Variants in ASPA observed in about 807,000 individuals in gnomAD.
ASPA encodes aspartoacylase, also known as ACY-2.
In ASPA, 25 loss-of-function variants were observed where a neutral mutation model predicts 29.6. The observed-to-expected ratio is 0.85, with a 90% confidence interval of 0.62 to 1.18. The LOEUF is 1.18. Ranked by LOEUF, ASPA falls within the 50% of genes most tolerant of loss-of-function variation. The pLI is 0.00. For synonymous variants in ASPA, 131 were observed against 130.3 expected (o/e 1.01, Z -0.04); for missense variants, 333 against 385.7 (o/e 0.86, Z 1.14).
In ASPA at chr17:3,481,790, T is replaced by A; in HGVS notation, c.424T>A (p.Tyr142Asn). 1 of 1,601,070 alleles carries A rather than the reference T, an allele frequency of 6.2e-7. No individual in the cohort carries two copies. The highest frequency in any genetic ancestry group is 8.5e-7 in the Non-Finnish European group (1 of 1,170,866). ...RNNFLIQMFH[Y>N]IKTSLAPLPC... ...TAACTTTTTAATTCAGATGTTTCATTACATTAAGGTAATGTTAATGTTATT... is the reference window on the plus strand; with the variant it reads ...TAACTTTTTAATTCAGATGTTTCATAACATTAAGGTAATGTTAATGTTATT... Residue 142 changes from tyrosine (Y) to asparagine (N), a missense_variant, in exon 2 of 6, where the codon TAC becomes AAC. Tyr to Asn is a moderately radical substitution (Grantham distance 143). Transcript: ENST00000263080.
chr17:3,474,556 GGACA>G (rs1317519139), upstream of ASPA, among the ~76,000 whole-genome samples: 6 of 152,240 alleles, frequency 3.9e-5, no homozygotes, highest in East Asian at 1.9e-4. Flanking sequence ...ACATGGATGT[GGACA>G]GACAGTCAAA....
rs1417476281 is a variant in ASPA, at chr17:3,499,758, T to C, written c.*670T>C. Reference sequence around the variant, plus strand: ...GGCCATTTCCTTGTCTCTCTCCCTGTCCTCTGGCCTCCCTGTTCCTTGAGA... The same window carrying C: ...GGCCATTTCCTTGTCTCTCTCCCTGCCCTCTGGCCTCCCTGTTCCTTGAGA... On this transcript the variant is annotated 3_prime_UTR_variant, in exon 6 of 6. Transcript: ENST00000263080. The C allele has an allele frequency of 6.6e-6, 1 of 152,258 alleles. No individual in the cohort carries two copies. Among genetic ancestry groups the C allele is most frequent in the African/African-American group, 2.4e-5 (1 of 41,452 alleles). 9.4% of individuals were successfully genotyped at this position (152,258 alleles called of 1,614,324 possible).
At position 3,485,654 on chromosome 17, in the gene ASPA, T is replaced by C. The variant is rs769860635; in HGVS notation, c.526+2062T>C. ...CAAAGTGCTTGTGCTACCAGTGACC[T>C]ACTCCAGGTTGTTTTCTGACCCTCT... On this transcript the variant is annotated intron_variant, in intron 3 of 5. Coordinates refer to ENST00000263080, the MANE Select transcript of ASPA (RefSeq NM_000049.4). The surrounding 1 kb of genome is among the most constrained non-coding windows in gnomAD (Gnocchi z 4.4). Among the ~76,000 whole-genome samples the C allele has an allele frequency of 2.0e-5, 3 of 152,238 alleles. No individual in the cohort carries two copies. The highest frequency in any genetic ancestry group is 2.9e-5 in the Non-Finnish European group (2 of 68,044).
In ASPA at chr17:3,488,825, C is replaced by T. The variant is rs1413259313; in HGVS notation, c.527-410C>T. Reference sequence around the variant, plus strand: ...ATCTATAAAAATAGATGTCCTTCCTCCCGTCACAGCTAAATGTTAGATCTT... The same window carrying T: ...ATCTATAAAAATAGATGTCCTTCCTTCCGTCACAGCTAAATGTTAGATCTT... On this transcript the variant is annotated intron_variant, in intron 3 of 5. Transcript: ENST00000263080. This position sits in a 1 kb window ranked among gnomAD's most constrained non-coding sequence, Gnocchi z 6.1. Among the ~76,000 whole-genome samples, 1 of 152,182 alleles carries T rather than the reference C, an allele frequency of 6.6e-6. No homozygotes were observed. The highest frequency in any genetic ancestry group is 1.5e-5 in the Non-Finnish European group (1 of 68,036).
At position 3,489,310 on chromosome 17, in the gene ASPA, A is replaced by T. The variant is rs761849556; in HGVS notation, c.602A>T (p.His201Leu). Residue 201 changes from histidine to leucine, a missense_variant, in exon 4 of 6, where the codon CAT becomes CTT. By Grantham distance (99) the His-to-Leu change is moderately conservative. Transcript: ENST00000263080. ...GATCAAATGAGAAAAATGATTAAAC[A>T]TGCTCTTGATTTTATACATCATTTC... ...ILDQMRKMIKHALDFIHHFNE... is the reference protein window; with the variant it reads ...ILDQMRKMIKLALDFIHHFNE... The T allele has an allele frequency of 1.2e-6, 2 of 1,613,254 alleles. No homozygotes were observed. The highest frequency in any genetic ancestry group is 1.3e-5 in the African/African-American group (1 of 75,030).
chr17:3,488,019 TA>T lies in ASPA; in HGVS notation c.527-1210del, dbSNP rs1041410246. ...ATGCAAGAAACCTAAGCACAACAAATAAAAAATGATGCAAGAGAATAAGATA... is the reference window on the plus strand; with the variant it reads ...ATGCAAGAAACCTAAGCACAACAAATAAAAATGATGCAAGAGAATAAGATA... On this transcript the variant is annotated intron_variant, in intron 3 of 5. Coordinates refer to ENST00000263080, the MANE Select transcript of ASPA (RefSeq NM_000049.4). The surrounding 1 kb of genome is among the most constrained non-coding windows in gnomAD (Gnocchi z 6.1). 4.6e-5 allele frequency among the ~76,000 whole-genome samples: 7 copies of T among 152,006 alleles called. No individual in the cohort carries two copies. Among genetic ancestry groups the T allele is most frequent in the Admixed American group, 6.5e-5 (1 of 15,274 alleles).
intron 1 of ASPA, among the ~76,000 whole-genome samples, chr17:3,480,934 A>G (rs2073616671): frequency 3.9e-5 from 6 of 152,202 alleles, no homozygotes. Context: ...AGCCTGGGCA[A>G]CAGAGCAAGA....
At chr17:3,495,096 A>G (rs2150759840) in intron 5 of ASPA, among the ~76,000 whole-genome samples, 1 of 152,292 alleles carries the variant, frequency 6.6e-6, no homozygotes, top group East Asian at 1.9e-4. Flanking sequence ...AAGAAGGAAA[A>G]AAAAAAGGCT....
At chr17:3,497,357 A>T (rs2073926672) in intron 5 of ASPA, among the ~76,000 whole-genome samples, 1 of 152,090 alleles carries the variant, frequency 6.6e-6, no homozygotes, top group Non-Finnish European at 1.5e-5. Context: ...TACAATAAAC[A>T]CAGAAAACAG....
At chr17:3,496,100 G>A (rs372295832) in intron 5 of ASPA, among the ~76,000 whole-genome samples, 12 of 152,278 alleles carry the variant, frequency 7.9e-5, no homozygotes, top group East Asian at 1.9e-4. Flanking sequence ...GGTAGGTCTC[G>A]AAAGTTAGGA....
intron 5 of ASPA, among the ~76,000 whole-genome samples, chr17:3,496,799 G>T (rs537805631): frequency 6.6e-6 from 1 of 152,222 alleles, no homozygotes; most frequent in Non-Finnish European, 1.5e-5. Context: ...AGGAGCGGTG[G>T]CTCACGCCTG....
In ASPA at chr17:3,498,135, A is replaced by G. The variant is rs549431337; in HGVS notation, c.745-756A>G. 7.2e-5 allele frequency among the ~76,000 whole-genome samples: 11 copies of G among 152,320 alleles called. No homozygotes were observed. In the East Asian group the frequency reaches 1.9e-3, roughly 27 times the overall value. On this transcript the variant is annotated intron_variant, in intron 5 of 5. Transcript: ENST00000263080. ...GAATAGAATCTCCTTGTATGCAGGT[A>G]CAACATGGCTCATTTTTATATTTCC... is the stretch of plus-strand genomic sequence containing the variant.
At chr17:3,484,635 T>G (rs2073688471) in intron 3 of ASPA, among the ~76,000 whole-genome samples, 1 of 152,238 alleles carries the variant, frequency 6.6e-6, no homozygotes, top group South Asian at 2.1e-4. Context: ...GAGCAATACT[T>G]TTGTAAAATG....
In ASPA at chr17:3,481,590, CT is replaced by C; in HGVS notation, c.237-12del. On this transcript the variant is annotated splice_polypyrimidine_tract_variant and intron_variant, in intron 1 of 5. Coordinates refer to ENST00000263080, the MANE Select transcript of ASPA (RefSeq NM_000049.4). Reference sequence around the variant, plus strand: ...ACAGATGTTGTTCATCTTTTTCTTTCTGCTTATAACAGCAAAAAAATGTCAG... The same window carrying C: ...ACAGATGTTGTTCATCTTTTTCTTTCGCTTATAACAGCAAAAAAATGTCAG... The C allele has an allele frequency of 6.2e-7, 1 of 1,609,624 alleles. No individual in the cohort carries two copies. The highest frequency in any genetic ancestry group is 2.2e-5 in the East Asian group (1 of 44,752).
chr17:3,497,827 A>G (rs1424601603), intron 5 of ASPA, among the ~76,000 whole-genome samples: 1 of 152,178 alleles, frequency 6.6e-6, no homozygotes, highest in East Asian at 1.9e-4. Context: ...AATGTTAGAC[A>G]TGCAGAATCC....
intron 4 of ASPA, among the ~76,000 whole-genome samples, chr17:3,492,551 T>C (rs541999515): frequency 6.6e-6 from 1 of 152,338 alleles, no homozygotes; most frequent in South Asian, 2.1e-4. Context: ...ACTTCTGGAA[T>C]AGCTGGCTTG....
rs2073952062 is a variant in ASPA at position 3,498,817 on chromosome 17, G to A, written c.745-74G>A. Reference sequence around the variant, plus strand: ...AACAGAATACTGTAATTTGTTAGTTGTCTAGAGTCTGACATAAATTTTTAG... The same window carrying A: ...AACAGAATACTGTAATTTGTTAGTTATCTAGAGTCTGACATAAATTTTTAG... On this transcript the variant is annotated intron_variant, in intron 5 of 5. Coordinates refer to ENST00000263080, the MANE Select transcript of ASPA (RefSeq NM_000049.4). The A allele has an allele frequency of 2.3e-6, 3 of 1,320,818 alleles. No individual in the cohort carries two copies. In the Admixed American group the frequency reaches 8.9e-5, roughly 39 times the overall value. The allele number at this position is 1,320,818 out of a possible 1,614,324, so 81.8% of individuals were successfully genotyped here.
Position 3,502,287 on chromosome 17 carries a change from T to A in ASPA, c.*3199T>A, listed in dbSNP as rs1240004717. 1 of 152,256 alleles carries A rather than the reference T, an allele frequency of 6.6e-6. No individual in the cohort carries two copies. 9.4% of individuals were successfully genotyped at this position (152,256 alleles called of 1,614,324 possible). A position where few individuals can be genotyped will look rare whatever the true frequency, so the allele number is the denominator to read the frequency against. On this transcript the variant is annotated 3_prime_UTR_variant, in exon 6 of 6. Transcript: ENST00000263080. ...TATTACACATTTAACATACTACATATAGTGTGAGCATAACTTTTACACGTA... is the reference window on the plus strand; with the variant it reads ...TATTACACATTTAACATACTACATAAAGTGTGAGCATAACTTTTACACGTA...
At chr17:3,494,822 T>A (rs180873678) in intron 5 of ASPA, among the ~76,000 whole-genome samples, 12 of 152,250 alleles carry the variant, frequency 7.9e-5, no homozygotes, top group African/African-American at 2.9e-4. Flanking sequence ...CCTACCCACA[T>A]TCAGCGGGTG....
Sources: allele counts gnomAD v4.1 joint callset (sites outside exome capture counted in the v4.1 genomes callset), GRCh38; gene constraint gnomAD v4.1.1; non-coding constraint Gnocchi (gnomAD v3.1); transcripts MANE v1.5; gene names NCBI Gene and HGNC (gene_info 2026-07-23, HGNC 2026-07-21).